Variants in CLCN3 observed in about 807,000 individuals in gnomAD.
CLCN3 encodes the protein Cl-/H+ antiporter 3.
Under a neutral mutation model 83.4 loss-of-function variants are expected in CLCN3, and 16 were observed. The ratio of observed to expected loss-of-function variants is 0.19; its 90% CI spans 0.13 to 0.29. The LOEUF (loss-of-function observed/expected upper bound fraction) is 0.29. CLCN3 is among the 10% of genes least tolerant of loss of function. The probability of loss-of-function intolerance (pLI) is 1.00; values close to 1 mark genes in which losing one functional copy is unlikely to be tolerated. For synonymous variants in CLCN3, 322 were observed against 346.2 expected, an observed-to-expected ratio of 0.93 and a Z score of 0.78; for missense variants, 544 against 1,006.0, an observed-to-expected ratio of 0.54 and a Z score of 6.21.
intron 1 of CLCN3, among the ~76,000 whole-genome samples, chr4:169,631,614 G>A (rs1229330815): frequency 6.6e-6 from 1 of 152,080 alleles, no homozygotes; most frequent in Non-Finnish European, 1.5e-5. Flanking sequence ...TAATAATGTT[G>A]TTTTTTGCTT....
In CLCN3 at chr4:169,621,035, C is replaced by T; in HGVS notation, c.-45C>T. The T allele has an allele frequency of 2.5e-6, 1 of 397,650 alleles. No individual in the cohort carries two copies. The highest frequency in any genetic ancestry group is 4.4e-5 in the Admixed American group (1 of 22,724). The allele number at this position is 397,650 out of a possible 1,614,324, so 24.6% of individuals were successfully genotyped here. On this transcript the variant is annotated 5_prime_UTR_variant, in exon 1 of 13. Transcript: ENST00000513761. ...CCAAAGGCAGCGCAAAAAACAGCCA[C>T]CGATTTTGCTATGTCTCTGAGCTGC...
intron 8 of CLCN3, 32 bp downstream of exon 8, chr4:169,695,724 T>C: frequency 7.3e-7 from 1 of 1,374,230 alleles, no homozygotes; most frequent in Non-Finnish European, 1.0e-6. Flanking sequence ...ATTAAAATTA[T>C]ATATAATTAC....
chr4:169,637,999 T>G (rs1730278318), intron 2 of CLCN3, among the ~76,000 whole-genome samples: 1 of 152,198 alleles, frequency 6.6e-6, no homozygotes, highest in Non-Finnish European at 1.5e-5. Flanking sequence ...TGAGTTTTGT[T>G]TTTTAAATTT....
chr4:169,692,456 C>T, intron 7 of CLCN3, 136 bp downstream of exon 7: 1 of 379,908 alleles, frequency 2.6e-6, no homozygotes, highest in Admixed American at 4.3e-5. Context: ...TTCTGTTTTT[C>T]CTGAATAATC....
At chr4:169,636,651 G>A (rs1178887099) in intron 2 of CLCN3, among the ~76,000 whole-genome samples, 1 of 150,096 alleles carries the variant, frequency 6.7e-6, no homozygotes, top group Non-Finnish European at 1.5e-5. Flanking sequence ...AATAGTTAAC[G>A]TATTTTCATT....
intron 2 of CLCN3, among the ~76,000 whole-genome samples, chr4:169,659,721 A>AT (rs28364752): frequency 0.065 from 9,817 of 149,914 alleles, 329 homozygotes; most frequent in African/African-American, 0.091. Context: ...ATTATAGAGT[A>AT]TTTTTTTTTT....
intron 3 of CLCN3, among the ~76,000 whole-genome samples, chr4:169,680,930 C>T (rs1160522300): frequency 6.6e-5 from 10 of 152,182 alleles, no homozygotes; most frequent in Non-Finnish European, 1.0e-4. Flanking sequence ...CTCACTGCAC[C>T]CTCCGCCTCC....
intron 2 of CLCN3, among the ~76,000 whole-genome samples, chr4:169,666,395 A>T (rs2150224776): frequency 6.6e-6 from 1 of 152,366 alleles, no homozygotes; most frequent in African/African-American, 2.4e-5. Context: ...AGATGTCGGG[A>T]ACAACTGAGG....
chr4:169,624,690 C>G (rs567970408), intron 1 of CLCN3, among the ~76,000 whole-genome samples: 78 of 152,288 alleles, frequency 5.1e-4, no homozygotes, highest in Non-Finnish European at 9.4e-4. Context: ...GGCATTAATA[C>G]AATAAAAACT....
At chr4:169,640,123 A>G (rs1164720906) in intron 2 of CLCN3, among the ~76,000 whole-genome samples, 2 of 152,232 alleles carry the variant, frequency 1.3e-5, no homozygotes, top group Non-Finnish European at 2.9e-5. Context: ...GGCTTATGGT[A>G]AGGTAAGGAC....
intron 3 of CLCN3, among the ~76,000 whole-genome samples, chr4:169,685,491 T>TA (rs1325408648): frequency 3.0e-4 from 45 of 152,344 alleles, no homozygotes; most frequent in South Asian, 1.0e-3. Context: ...AGCATGCTTT[T>TA]AGCCATCTTG....
At chr4:169,717,197 C>T (rs1018494147) in intron 12 of CLCN3, among the ~76,000 whole-genome samples, 3 of 152,150 alleles carry the variant, frequency 2.0e-5, no homozygotes, top group East Asian at 1.9e-4. Flanking sequence ...ATTTTATTAG[C>T]TTACTTTAAG....
At chr4:169,717,259 T>G (rs950687076) in intron 12 of CLCN3, among the ~76,000 whole-genome samples, 25 of 152,206 alleles carry the variant, frequency 1.6e-4, no homozygotes, top group Non-Finnish European at 3.1e-4. Flanking sequence ...TTGGTCAGCA[T>G]TATTTATTTA....
chr4:169,655,670 A>T (rs752994634), intron 2 of CLCN3, among the ~76,000 whole-genome samples: 1 of 151,924 alleles, frequency 6.6e-6, no homozygotes, highest in Non-Finnish European at 1.5e-5. Flanking sequence ...CATTTTTATA[A>T]ATTTTTTGTA....
intron 2 of CLCN3, chr4:169,660,516 C>A: frequency 1.8e-6 from 2 of 1,104,686 alleles, no homozygotes; most frequent in Non-Finnish European, 2.3e-6. Flanking sequence ...GGTCCTCTAG[C>A]TTAAACTGGT....
intron 1 of CLCN3, among the ~76,000 whole-genome samples, chr4:169,626,120 A>AC (rs1359969037): frequency 3.3e-5 from 5 of 152,016 alleles, no homozygotes; most frequent in South Asian, 4.2e-4. Context: ...GGATCCCATG[A>AC]CCCCCCCACT....
chr4:169,690,717 A>T, intron 6 of CLCN3, 65 bp downstream of exon 6: 1 of 1,487,390 alleles, frequency 6.7e-7, no homozygotes, highest in Non-Finnish European at 9.0e-7. Context: ...GACCTTAGTG[A>T]TAATAAAAGT....
At chr4:169,657,934 C>T (rs1730934545) in intron 2 of CLCN3, among the ~76,000 whole-genome samples, 1 of 152,162 alleles carries the variant, frequency 6.6e-6, no homozygotes, top group African/African-American at 2.4e-5. Context: ...TCTTTTGCCA[C>T]ATCTTCCAGT....
At chr4:169,686,268 C>T (rs1401116434) in intron 3 of CLCN3, among the ~76,000 whole-genome samples, 2 of 150,926 alleles carry the variant, frequency 1.3e-5, no homozygotes, top group Non-Finnish European at 2.9e-5. Flanking sequence ...CACATGTATA[C>T]ATATGTAACA....
Sources: allele counts gnomAD v4.1 joint callset (sites outside exome capture counted in the v4.1 genomes callset), GRCh38; gene constraint gnomAD v4.1.1; transcripts MANE v1.5; gene names NCBI Gene and HGNC (gene_info 2026-07-23, HGNC 2026-07-21).